MAF: variants seen among roughly 807,000 people sequenced by gnomAD.
The protein encoded by MAF is MAF bZIP transcription factor.
A neutral mutation model predicts 22.0 loss-of-function variants in MAF; 10 were observed. The observed-to-expected ratio is 0.45, with a 90% confidence interval of 0.28 to 0.77. MAF has a LOEUF of 0.77. Among genes scored for constraint, MAF ranks in the 30% least tolerant of loss-of-function variants. MAF has a pLI of 0.12. For missense variants in MAF, 544 were observed against 548.4 expected, an observed-to-expected ratio of 0.99 and a Z score of 0.08; for synonymous variants, 337 against 255.8, an observed-to-expected ratio of 1.32 and a Z score of -3.03.
chr16:79,374,131 C>G, the MAF span, among the ~76,000 whole-genome samples: 1 of 152,200 alleles, frequency 6.6e-6, no homozygotes, highest in African/African-American at 2.4e-5. Flanking sequence ...AGAAGGTACC[C>G]TGGGGTCTTT....
chr16:79,541,662 G>GTT, the MAF span, among the ~76,000 whole-genome samples: 486 of 123,864 alleles, frequency 3.9e-3, 5 homozygotes, highest in African/African-American at 0.011. Context: ...GGTTTTTTTA[G>GTT]TTTTTTTTTT....
chr16:79,358,873 G>A, the MAF span, among the ~76,000 whole-genome samples: 1 of 152,198 alleles, frequency 6.6e-6, no homozygotes, highest in Non-Finnish European at 1.5e-5. Context: ...TGCAGAGGCT[G>A]CTCCGATGGG....
At chr16:79,225,326 T>A in the MAF span, among the ~76,000 whole-genome samples, 2 of 152,172 alleles carry the variant, frequency 1.3e-5, no homozygotes, top group Non-Finnish European at 2.9e-5. Context: ...AAACAGAAAC[T>A]GGAACCCTTC....
the MAF span, among the ~76,000 whole-genome samples, chr16:79,566,821 G>T: frequency 6.6e-6 from 1 of 152,154 alleles, no homozygotes; most frequent in Non-Finnish European, 1.5e-5. Flanking sequence ...AAAGGCCTTT[G>T]GAACCCTGTG....
At chr16:79,565,509 G>GC in the MAF span, among the ~76,000 whole-genome samples, 5 of 151,978 alleles carry the variant, frequency 3.3e-5, no homozygotes, top group Non-Finnish European at 5.9e-5. Context: ...CGTGTTGTGG[G>GC]GGGGGGGACC....
the MAF span, among the ~76,000 whole-genome samples, chr16:79,209,528 A>T: frequency 1.3e-5 from 2 of 152,110 alleles, no homozygotes; most frequent in African/African-American, 4.8e-5. Flanking sequence ...GGGAGGCTGG[A>T]CTTGAAATGG....
the MAF span, among the ~76,000 whole-genome samples, chr16:79,416,531 G>A: frequency 6.6e-6 from 1 of 151,240 alleles, no homozygotes; most frequent in African/African-American, 2.4e-5. Context: ...CATTTACTGT[G>A]ACTTTCATAG....
chr16:79,335,571 G>A, the MAF span, among the ~76,000 whole-genome samples: 4 of 152,164 alleles, frequency 2.6e-5, no homozygotes, highest in South Asian at 6.2e-4. Flanking sequence ...GAGGCAGGTC[G>A]GGGGTCAGCC....
At chr16:79,492,380 G>T in the MAF span, among the ~76,000 whole-genome samples, 1 of 152,030 alleles carries the variant, frequency 6.6e-6, no homozygotes, top group African/African-American at 2.4e-5. Flanking sequence ...GATGTGCAAC[G>T]TATCCGAATT....
At chr16:79,329,874 C>G in the MAF span, among the ~76,000 whole-genome samples, 7 of 152,040 alleles carry the variant, frequency 4.6e-5, no homozygotes, top group Non-Finnish European at 1.0e-4. Context: ...TACTCACTTC[C>G]TACATGGAAA....
chr16:79,225,773 A>G, the MAF span, among the ~76,000 whole-genome samples: 1 of 152,232 alleles, frequency 6.6e-6, no homozygotes, highest in Admixed American at 6.5e-5. Context: ...CAAACATATG[A>G]AAAAATGCTC....
chr16:79,291,075 C>A, the MAF span, among the ~76,000 whole-genome samples: 1 of 152,246 alleles, frequency 6.6e-6, no homozygotes, highest in East Asian at 1.9e-4. Flanking sequence ...TCCACATCTC[C>A]CATAGGACCC....
chr16:79,568,869 G>A, the MAF span, among the ~76,000 whole-genome samples: 1 of 152,314 alleles, frequency 6.6e-6, no homozygotes, highest in South Asian at 2.1e-4. Flanking sequence ...GCTTTACGTA[G>A]ATTATCTCCT....
the MAF span, among the ~76,000 whole-genome samples, chr16:79,225,314 G>C: frequency 1.3e-5 from 2 of 152,118 alleles, no homozygotes; most frequent in Non-Finnish European, 1.5e-5. Flanking sequence ...GCCATATGCA[G>C]AAAACAGAAA....
chr16:79,299,235 C>T, the MAF span, among the ~76,000 whole-genome samples: 18 of 151,848 alleles, frequency 1.2e-4, no homozygotes, highest in East Asian at 3.9e-4. Context: ...CCCATTAATG[C>T]GGGTTTTGTT....
chr16:79,310,512 CT>C, the MAF span, among the ~76,000 whole-genome samples: 2 of 152,202 alleles, frequency 1.3e-5, no homozygotes, highest in Non-Finnish European at 1.5e-5. Context: ...TAATTTATTG[CT>C]TTCACATCTG....
the MAF span, among the ~76,000 whole-genome samples, chr16:79,328,274 A>G: frequency 1.3e-5 from 2 of 150,114 alleles, no homozygotes; most frequent in East Asian, 3.8e-4. Flanking sequence ...AGTGCAAATC[A>G]GAGCTCCTTT....
the MAF span, chr16:79,204,622 A>G: frequency 6.6e-6 from 1 of 152,380 alleles, no homozygotes; most frequent in Non-Finnish European, 1.5e-5. Flanking sequence ...GGAAAAGCTC[A>G]GAACAGTTTG....
At chr16:79,554,132 C>A in the MAF span, among the ~76,000 whole-genome samples, 1 of 144,148 alleles carries the variant, frequency 6.9e-6, no homozygotes, top group Non-Finnish European at 1.6e-5. Flanking sequence ...CAAACAAAAC[C>A]ACCAAACCAA....
Sources: allele counts gnomAD v4.1 joint callset (sites outside exome capture counted in the v4.1 genomes callset), GRCh38; gene constraint gnomAD v4.1.1; transcripts MANE v1.5; gene names NCBI Gene and HGNC (gene_info 2026-07-23, HGNC 2026-07-21).